CD48: variants seen among roughly 807,000 people sequenced by gnomAD.
The protein encoded by CD48 is CD48 antigen.
Under a neutral mutation model 22.0 loss-of-function variants are expected in CD48, and 20 were observed. That is an observed-to-expected ratio of 0.91 (90% CI 0.64 to 1.32). The LOEUF (loss-of-function observed/expected upper bound fraction) is 1.32, where lower values mean the gene tolerates loss of function less well. CD48 is among the 40% of genes most tolerant of loss of function. The probability of loss-of-function intolerance (pLI) is 0.00; values close to 1 mark genes in which losing one functional copy is unlikely to be tolerated. For synonymous variants in CD48, 110 were observed against 110.1 expected (o/e 1.00, Z 0.01); for missense variants, 307 against 286.5 (o/e 1.07, Z -0.52).
At chr1:160,708,446 G>C (rs1662855451) in intron 1 of CD48, among the ~76,000 whole-genome samples, 1 of 152,186 alleles carries the variant, frequency 6.6e-6, no homozygotes, top group Admixed American at 6.5e-5. Context: ...GCAGTAAATA[G>C]AGCAGTTAGG....
chr1:160,682,885 G>A (rs1464698238), intron 2 of CD48, among the ~76,000 whole-genome samples: 2 of 152,190 alleles, frequency 1.3e-5, no homozygotes, highest in Non-Finnish European at 2.9e-5. Flanking sequence ...TTTCATTCTG[G>A]TCAGGGTGAA....
At chr1:160,710,598 G>A (rs1266693963) in intron 1 of CD48, among the ~76,000 whole-genome samples, 2 of 152,132 alleles carry the variant, frequency 1.3e-5, no homozygotes, top group Non-Finnish European at 2.9e-5. Flanking sequence ...AATTCTCATT[G>A]GCAACCCTGC....
chr1:160,694,265 G>A (rs1662330122), intron 1 of CD48, among the ~76,000 whole-genome samples: 2 of 152,222 alleles, frequency 1.3e-5, no homozygotes, highest in African/African-American at 4.8e-5. Flanking sequence ...TGGAAGCACT[G>A]ATCCGACAGG....
intron 1 of CD48, among the ~76,000 whole-genome samples, chr1:160,706,162 C>A (rs554826938): frequency 6.6e-6 from 1 of 152,200 alleles, no homozygotes; most frequent in East Asian, 1.9e-4. Context: ...GCAACCTCCA[C>A]CCCCCAGGTT....
At chr1:160,703,833 A>G (rs185560133) in intron 1 of CD48, among the ~76,000 whole-genome samples, 1 of 152,294 alleles carries the variant, frequency 6.6e-6, no homozygotes, top group East Asian at 1.9e-4. Flanking sequence ...CAGACAGAGG[A>G]AAGAGCCAGA....
chr1:160,687,655 C>G (rs1209729197), intron 1 of CD48, among the ~76,000 whole-genome samples: 1 of 152,172 alleles, frequency 6.6e-6, no homozygotes, highest in Non-Finnish European at 1.5e-5. Context: ...ATAAATGTGC[C>G]ATGGCAATGA....
At chr1:160,693,928 C>T (rs1040387788) in intron 1 of CD48, among the ~76,000 whole-genome samples, 7 of 152,358 alleles carry the variant, frequency 4.6e-5, no homozygotes, top group Non-Finnish European at 1.0e-4. Flanking sequence ...AATTGTCCCC[C>T]GCCACAAGTG....
intron 1 of CD48, among the ~76,000 whole-genome samples, chr1:160,707,991 C>T (rs1662841759): frequency 6.6e-6 from 1 of 152,106 alleles, no homozygotes; most frequent in Non-Finnish European, 1.5e-5. Flanking sequence ...CAAAATTAAT[C>T]AGATGATTTC....
chr1:160,681,526 T>G (rs1003543371), intron 2 of CD48, 58 bp from the exon 3 acceptor site: 9 of 1,583,356 alleles, frequency 5.7e-6, no homozygotes, highest in Non-Finnish European at 7.7e-6. Context: ...CTGTGAAGGT[T>G]TAGCCAACAA....
At position 160,681,173 on chromosome 1, in the gene CD48, C is replaced by A. The variant is rs373939664; in HGVS notation, c.652+29G>T. On this transcript the variant is annotated intron_variant, in intron 3 of 3. Coordinates refer to ENST00000368046, the MANE Select transcript of CD48 (RefSeq NM_001778.4). ...CAAAACAACTCCAGTTACCCTGTGC[C>A]CCCCTCAGCTCCCAGGGATCCTTCT... is the stretch of plus-strand genomic sequence containing the variant. The A allele has an allele frequency of 8.7e-6, 14 of 1,613,998 alleles. No homozygotes were observed. In the African/African-American group the frequency reaches 1.7e-4, roughly 20 times the overall value.
chr1:160,696,206 C>T (rs1482927470), intron 1 of CD48, among the ~76,000 whole-genome samples: 1 of 152,306 alleles, frequency 6.6e-6, no homozygotes, highest in Non-Finnish European at 1.5e-5. Flanking sequence ...GCTCAAAGAG[C>T]AGAGTTGGTT....
chr1:160,694,955 A>G (rs141132588), intron 1 of CD48, among the ~76,000 whole-genome samples: 8,811 of 93,988 alleles, frequency 0.094, no homozygotes, highest in East Asian at 0.33. Context: ...ATTCAGAAGA[A>G]ATCCAGCAAA....
chr1:160,680,438 T>A, intron 3 of CD48: 1 of 288,360 alleles, frequency 3.5e-6, no homozygotes, highest in Non-Finnish European at 5.2e-6. Flanking sequence ...ACTGTTATTT[T>A]GTCCTTTATT....
chr1:160,680,756 CT>C (rs1441614852), intron 3 of CD48: 37 of 1,061,758 alleles, frequency 3.5e-5, no homozygotes, highest in Non-Finnish European at 3.9e-5. Context: ...CCCTCTTTCC[CT>C]GGCTGACTTT....
intron 1 of CD48, among the ~76,000 whole-genome samples, chr1:160,692,643 C>T (rs1185605546): frequency 6.6e-6 from 1 of 152,020 alleles, no homozygotes; most frequent in African/African-American, 2.4e-5. Flanking sequence ...GGAGACAATC[C>T]TATGGCACCA....
At chr1:160,704,861 A>T (rs1847394) in intron 1 of CD48, among the ~76,000 whole-genome samples, 1 of 152,264 alleles carries the variant, frequency 6.6e-6, no homozygotes, top group African/African-American at 2.4e-5. Context: ...TTTGGTTAAG[A>T]TAAGGAGAAA....
intron 1 of CD48, chr1:160,692,272 A>C (rs1662248806): frequency 6.6e-6 from 1 of 152,182 alleles, no homozygotes; most frequent in Non-Finnish European, 1.5e-5. Flanking sequence ...GGAAACGGAA[A>C]CTTTACATTG....
chr1:160,703,326 G>A (rs564514043), intron 1 of CD48, among the ~76,000 whole-genome samples: 1 of 152,292 alleles, frequency 6.6e-6, no homozygotes, highest in Admixed American at 6.5e-5. Flanking sequence ...ATAAGGAGAA[G>A]TAGGACCATA....
chr1:160,691,078 G>T (rs1157251284), intron 1 of CD48, among the ~76,000 whole-genome samples: 2 of 152,186 alleles, frequency 1.3e-5, no homozygotes, highest in Admixed American at 6.5e-5. Context: ...CACAAAAACT[G>T]CGGAAGCCTG....
Sources: allele counts gnomAD v4.1 joint callset (sites outside exome capture counted in the v4.1 genomes callset), GRCh38; gene constraint gnomAD v4.1.1; transcripts MANE v1.5; gene names NCBI Gene and HGNC (gene_info 2026-07-23, HGNC 2026-07-21).